The following NKIRAS1 variants were observed in gnomAD, a reference collection of about 807,000 sequenced individuals.
NKIRAS1 encodes NFKB inhibitor interacting Ras like 1, also known as NF-kappa-B inhibitor-interacting Ras-like protein 1.
NKIRAS1 carries 16 observed loss-of-function variants against 19.8 expected under a neutral mutation model. The observed-to-expected ratio is 0.81, with a 90% CI of 0.55 to 1.23. The LOEUF (loss-of-function observed/expected upper bound fraction) is 1.23, where lower values mean the gene tolerates loss of function less well. NKIRAS1 is among the 50% of genes most tolerant of loss of function. The pLI, the probability that NKIRAS1 is intolerant of heterozygous loss-of-function variation, is 0.00. For synonymous variants in NKIRAS1, 88 were observed against 79.0 expected (o/e 1.11, Z -0.61); for missense variants, 184 against 220.0 (o/e 0.84, Z 1.04).
At chr3:23,938,405 TCTCA>T (rs763661756) in intron 1 of NKIRAS1, among the ~76,000 whole-genome samples, 55 of 151,932 alleles carry the variant, frequency 3.6e-4, no homozygotes, top group Non-Finnish European at 6.8e-4. Flanking sequence ...AGTTGGGGGG[TCTCA>T]CTATGTTCCC....
chr3:23,945,987 C>T (rs928164144), intron 1 of NKIRAS1: 11 of 547,496 alleles, frequency 2.0e-5, no homozygotes, highest in Admixed American at 6.4e-5. Context: ...GCTCGGCTCC[C>T]TGACCCACAT....
At position 23,890,751 on chromosome 3, in the gene NKIRAS1, G is replaced by T; in HGVS notation, c.*2344C>A. On this transcript the variant is annotated 3_prime_UTR_variant, in exon 5 of 5. Coordinates refer to ENST00000425478, the MANE Select transcript of NKIRAS1 (RefSeq NM_020345.4). ...ATTCAGTCTTATTTCCTAAGATTTT[G>T]TTGTAACTTAAGGTATCTTGCTACA... The T allele has an allele frequency of 2.8e-6, 2 of 706,514 alleles. No homozygotes were observed. Among genetic ancestry groups the T allele is most frequent in the South Asian group, 3.6e-5 (1 of 27,466 alleles). 43.8% of individuals were successfully genotyped at this position (706,514 alleles called of 1,614,324 possible).
intron 4 of NKIRAS1, among the ~76,000 whole-genome samples, chr3:23,893,798 C>CAAAAA (rs58905555): frequency 2.5e-5 from 2 of 81,526 alleles, no homozygotes; most frequent in Admixed American, 1.6e-4. Context: ...GACTCCATCT[C>CAAAAA]AAAAAAAAAA....
upstream of NKIRAS1, chr3:23,919,637 G>A: frequency 1.4e-6 from 2 of 1,420,252 alleles, no homozygotes; most frequent in African/African-American, 1.4e-5. Flanking sequence ...AAGTTAAAGT[G>A]CAATAATGTT....
At chr3:23,935,850 C>G (rs1251918284) in intron 1 of NKIRAS1, among the ~76,000 whole-genome samples, 6 of 152,056 alleles carry the variant, frequency 3.9e-5, no homozygotes, top group Admixed American at 3.9e-4. Flanking sequence ...GAGGCCAAGG[C>G]AGGAGGATTG....
chr3:23,931,471 C>A (rs1298287209), intron 1 of NKIRAS1, among the ~76,000 whole-genome samples: 1 of 152,154 alleles, frequency 6.6e-6, no homozygotes, highest in African/African-American at 2.4e-5. Context: ...TTCCTGGATT[C>A]TTTACTTAAA....
At chr3:23,930,463 C>G (rs947282093) in intron 1 of NKIRAS1, among the ~76,000 whole-genome samples, 4 of 150,332 alleles carry the variant, frequency 2.7e-5, no homozygotes, top group African/African-American at 9.8e-5. Flanking sequence ...ATAAATAAGC[C>G]GCCAAAAAAA....
intron 1 of NKIRAS1, among the ~76,000 whole-genome samples, chr3:23,929,924 CTT>C (rs1664168703): frequency 6.6e-6 from 1 of 151,752 alleles, no homozygotes; most frequent in Non-Finnish European, 1.5e-5. Context: ...TTCTTCCAGT[CTT>C]TGTTTTTTTT....
At chr3:23,918,623 G>A (rs2125253723), upstream of NKIRAS1, 2 of 1,585,356 alleles carry the variant, frequency 1.3e-6, no homozygotes, top group Non-Finnish European at 1.7e-6. Flanking sequence ...CCTGGGGATG[G>A]TGGGAGAGAG....
chr3:23,929,687 C>T (rs1705272420), intron 1 of NKIRAS1, among the ~76,000 whole-genome samples: 1 of 152,124 alleles, frequency 6.6e-6, no homozygotes, highest in African/African-American at 2.4e-5. Flanking sequence ...AGTGATCCTC[C>T]TGCCTCAGCC....
intron 1 of NKIRAS1, chr3:23,923,647 T>C (rs1705155158): frequency 6.6e-6 from 1 of 152,210 alleles, no homozygotes; most frequent in Admixed American, 6.5e-5. Flanking sequence ...AAAAGAAAAA[T>C]GTGTGCATAC....
At chr3:23,942,182 T>C (rs982014127) in intron 1 of NKIRAS1, among the ~76,000 whole-genome samples, 1 of 152,120 alleles carries the variant, frequency 6.6e-6, no homozygotes, top group South Asian at 2.1e-4. Context: ...TTTTGTCAAG[T>C]TGGCCAGGCT....
At chr3:23,938,858 C>T (rs1705443178) in intron 1 of NKIRAS1, among the ~76,000 whole-genome samples, 1 of 152,188 alleles carries the variant, frequency 6.6e-6, no homozygotes, top group African/African-American at 2.4e-5. Flanking sequence ...TGTGACTGCC[C>T]TGAGGCTGCC....
At chr3:23,931,661 A>G (rs1041162467) in intron 1 of NKIRAS1, among the ~76,000 whole-genome samples, 4 of 152,138 alleles carry the variant, frequency 2.6e-5, no homozygotes, top group Non-Finnish European at 5.9e-5. Flanking sequence ...TTGTCCACCA[A>G]TACGCCCAAT....
At chr3:23,929,927 T>C (rs1705276052) in intron 1 of NKIRAS1, among the ~76,000 whole-genome samples, 1 of 152,214 alleles carries the variant, frequency 6.6e-6, no homozygotes, top group Non-Finnish European at 1.5e-5. Context: ...TTCCAGTCTT[T>C]GTTTTTTTTA....
chr3:23,944,541 T>C (rs530943318), intron 1 of NKIRAS1, among the ~76,000 whole-genome samples: 2 of 152,272 alleles, frequency 1.3e-5, no homozygotes, highest in South Asian at 4.1e-4. Context: ...TGATCTAAAA[T>C]TTACATTCAA....
intron 1 of NKIRAS1, among the ~76,000 whole-genome samples, chr3:23,931,579 T>C (rs183063690): frequency 2.2e-3 from 328 of 152,358 alleles, no homozygotes; most frequent in African/African-American, 7.5e-3. Context: ...TCTTGTGTTT[T>C]ACTTATTGTT....
At chr3:23,913,208 G>T (rs936125868) in intron 1 of NKIRAS1, among the ~76,000 whole-genome samples, 2 of 151,998 alleles carry the variant, frequency 1.3e-5, no homozygotes, top group African/African-American at 4.8e-5. Context: ...TAATAAATTG[G>T]GGAGTTCCTT....
At chr3:23,910,615 T>C (rs1703603292) in intron 3 of NKIRAS1, among the ~76,000 whole-genome samples, 196 bp downstream of exon 3, 1 of 152,232 alleles carries the variant, frequency 6.6e-6, no homozygotes, top group Non-Finnish European at 1.5e-5. Context: ...TGTGATAACT[T>C]ACAGCAGGCA....
Sources: gnomAD v4.1 joint callset for allele counts (sites outside exome capture counted in the v4.1 genomes callset) on GRCh38, gnomAD v4.1.1 for gene constraint, MANE v1.5 for transcripts, NCBI Gene and HGNC (gene_info 2026-07-23, HGNC 2026-07-21) for gene names.